KDM4C: variants seen among roughly 807,000 people sequenced by gnomAD.
KDM4C encodes lysine demethylase 4C, also known as lysine-specific demethylase 4C.
Under a neutral mutation model 129.3 loss-of-function variants are expected in KDM4C, and 81 were observed. The ratio of observed to expected loss-of-function variants is 0.63; its 90% CI spans 0.52 to 0.75. The LOEUF is 0.75. Ranked by LOEUF, KDM4C falls within the 30% of genes least tolerant of loss-of-function variation. KDM4C has a pLI of 0.00. For missense variants in KDM4C, 1,457 were observed against 1,304.0 expected (o/e 1.12, Z -1.81); for synonymous variants, 573 against 456.1 (o/e 1.26, Z -3.26).
intron 1 of KDM4C, chr9:6,748,879 G>A: frequency 2.0e-6 from 2 of 987,526 alleles, no homozygotes; most frequent in Non-Finnish European, 3.3e-6. Context: ...TGCTCATAGA[G>A]CCACACCTGA....
intron 1 of KDM4C, among the ~76,000 whole-genome samples, chr9:6,792,595 G>A (rs1189050110): frequency 6.6e-6 from 1 of 152,016 alleles, no homozygotes; most frequent in African/African-American, 2.4e-5. Context: ...CACCATGTTG[G>A]CTAGTCTGGT....
chr9:7,133,115 G>A (rs1840818480), intron 19 of KDM4C, among the ~76,000 whole-genome samples: 1 of 152,116 alleles, frequency 6.6e-6, no homozygotes, highest in Non-Finnish European at 1.5e-5. Flanking sequence ...TCCAGCCCCA[G>A]TTTTTTTCCC....
chr9:7,075,130 G>A (rs150872085), intron 17 of KDM4C, among the ~76,000 whole-genome samples: 1 of 152,302 alleles, frequency 6.6e-6, no homozygotes, highest in East Asian at 1.9e-4. Flanking sequence ...GGCATGATAT[G>A]CAGTCAGTCA....
chr9:6,908,679 TG>T (rs1048153494), intron 8 of KDM4C, among the ~76,000 whole-genome samples: 2 of 147,966 alleles, frequency 1.4e-5, no homozygotes, highest in Non-Finnish European at 3.0e-5. Flanking sequence ...GTTTCTGAGG[TG>T]GGGGGTGGGG....
chr9:6,884,036 C>A (rs550078740), intron 6 of KDM4C, among the ~76,000 whole-genome samples: 1 of 152,128 alleles, frequency 6.6e-6, no homozygotes, highest in African/African-American at 2.4e-5. Flanking sequence ...TTACACAACG[C>A]GCACCATGTC....
chr9:6,919,263 CTTTCTTTCTG>C (rs1820967367), intron 8 of KDM4C, among the ~76,000 whole-genome samples: 1 of 130,872 alleles, frequency 7.6e-6, no homozygotes, highest in African/African-American at 2.9e-5. Context: ...TTCTTTCTTT[CTTTCTTTCTG>C]TCTCTCTCTC....
At chr9:6,757,938 C>A (rs1199702950), upstream of KDM4C, 1 of 985,294 alleles carries the variant, frequency 1.0e-6, no homozygotes. Context: ...CGGGCCCCAG[C>A]GGTCACGTGA....
intron 20 of KDM4C, among the ~76,000 whole-genome samples, chr9:7,165,603 G>A (rs1347887241): frequency 6.6e-6 from 1 of 152,240 alleles, no homozygotes; most frequent in Non-Finnish European, 1.5e-5. Flanking sequence ...ATATGGTTCT[G>A]CCAGAAAGAT....
At chr9:6,998,394 T>C (rs1820151144) in intron 12 of KDM4C, among the ~76,000 whole-genome samples, 2 of 152,258 alleles carry the variant, frequency 1.3e-5, no homozygotes, top group African/African-American at 4.8e-5. Flanking sequence ...GAATAAAATG[T>C]ATACATTTAT....
At chr9:7,152,885 T>C (rs1407828731) in intron 19 of KDM4C, among the ~76,000 whole-genome samples, 4 of 152,178 alleles carry the variant, frequency 2.6e-5, no homozygotes. Context: ...ATTGTGCATG[T>C]ATAGGATGTC....
upstream of KDM4C, chr9:6,757,600 C>A (rs548157448): frequency 1.0e-6 from 1 of 982,696 alleles, no homozygotes; most frequent in East Asian, 1.1e-4. Flanking sequence ...TCCGAGGCTC[C>A]ACCCCGGTAA....
chr9:6,834,043 C>CTTTT lies in KDM4C; in HGVS notation c.436-15452_436-15449dup, dbSNP rs71487860. 3.7e-5 allele frequency among the ~76,000 whole-genome samples: 4 copies of CTTTT among 109,480 alleles called. No individual in the cohort carries two copies. In the Admixed American group the frequency reaches 4.2e-4, roughly 12 times the overall value. 71.8% of individuals were successfully genotyped at this position (109,480 alleles called of 152,430 possible). A position where few individuals can be genotyped will look rare whatever the true frequency, so the allele number is the denominator to read the frequency against. ...CATGGGATATGACTCAAGAGATAGTCTTTTTTTTTTTTTTTAAGATAGTCT... is the reference window on the plus strand; with the variant it reads ...CATGGGATATGACTCAAGAGATAGTCTTTTTTTTTTTTTTTTTTTAAGATAGTCT... On this transcript the variant is annotated intron_variant, in intron 4 of 21. Transcript: ENST00000381309.
At chr9:6,783,354 C>T (rs1393450339) in intron 1 of KDM4C, among the ~76,000 whole-genome samples, 1 of 152,154 alleles carries the variant, frequency 6.6e-6, no homozygotes, top group Admixed American at 6.5e-5. Flanking sequence ...TTTTGGAGGA[C>T]AGATTCGTTT....
intron 1 of KDM4C, among the ~76,000 whole-genome samples, chr9:6,792,020 C>G (rs779025926): frequency 6.6e-6 from 1 of 151,500 alleles, no homozygotes; most frequent in African/African-American, 2.4e-5. Flanking sequence ...AAAACTCCGT[C>G]TCAAAAAGAA....
At chr9:7,004,036 G>T (rs372371242) in intron 12 of KDM4C, among the ~76,000 whole-genome samples, 2 of 152,116 alleles carry the variant, frequency 1.3e-5, no homozygotes, top group Admixed American at 6.6e-5. Context: ...GAATGGTGCT[G>T]TACCAGCCAA....
intron 18 of KDM4C, among the ~76,000 whole-genome samples, chr9:7,127,073 A>G (rs1007973417): frequency 6.6e-6 from 1 of 152,114 alleles, no homozygotes; most frequent in African/African-American, 2.4e-5. Context: ...GGATGGATGG[A>G]TGGGTGCAGG....
At chr9:6,964,738 C>T (rs754651180) in intron 8 of KDM4C, among the ~76,000 whole-genome samples, 8 of 147,630 alleles carry the variant, frequency 5.4e-5, no homozygotes, top group Middle Eastern at 3.2e-3. Flanking sequence ...GCCGAGATCA[C>T]GCCACTGCAC....
chr9:7,168,454 C>G (rs1459740689), intron 20 of KDM4C, among the ~76,000 whole-genome samples: 3 of 152,120 alleles, frequency 2.0e-5, no homozygotes, highest in Admixed American at 2.0e-4. Flanking sequence ...TAAACCTAAA[C>G]CAATCTAAAC....
At chr9:7,070,385 A>G (rs1467227820) in intron 17 of KDM4C, among the ~76,000 whole-genome samples, 1 of 152,154 alleles carries the variant, frequency 6.6e-6, no homozygotes, top group Non-Finnish European at 1.5e-5. Context: ...CTCCCAATTC[A>G]TTGCATAGGG....
Sources: gnomAD v4.1 joint callset for allele counts (sites outside exome capture counted in the v4.1 genomes callset) on GRCh38, gnomAD v4.1.1 for gene constraint, MANE v1.5 for transcripts, NCBI Gene and HGNC (gene_info 2026-07-23, HGNC 2026-07-21) for gene names.